HMCN2: variants seen among roughly 807,000 people sequenced by gnomAD.
The protein encoded by HMCN2 is hemicentin 2, also known as hemicentin-2.
HMCN2 carries 325 observed loss-of-function variants against 377.5 expected under a neutral mutation model. The ratio of observed to expected loss-of-function variants is 0.86; its 90% confidence interval spans 0.79 to 0.94. The LOEUF (loss-of-function observed/expected upper bound fraction) is 0.94, where lower values mean the gene tolerates loss of function less well. Ranked by LOEUF, HMCN2 falls within the 40% of genes least tolerant of loss-of-function variation. HMCN2 has a pLI of 0.00. For missense variants in HMCN2, 4,543 were observed against 4,725.3 expected (o/e 0.96, Z 1.13); for synonymous variants, 2,007 against 2,046.8 (o/e 0.98, Z 0.53).
chr9:130,425,645 T>TCCCCCCC, intron 89 of HMCN2, 42 bp from the exon 90 acceptor site: 4 of 683,084 alleles, frequency 5.9e-6, no homozygotes, highest in Non-Finnish European at 7.3e-6. Flanking sequence ...TTTCTCCCTC[T>TCCCCCCC]CCCCCACCCC....
At chr9:130,383,646 C>T in intron 57 of HMCN2, 46 bp downstream of exon 57, 1 of 907,048 alleles carries the variant, frequency 1.1e-6, no homozygotes, top group South Asian at 5.1e-5. Context: ...CTTTTCCCTT[C>T]CCAGGGGGCA....
Position 130,375,537 on chromosome 9 carries a change from A to G in HMCN2, c.7631-26A>G, listed in dbSNP as rs538843668. On this transcript the variant is annotated intron_variant, in intron 49 of 97. Coordinates refer to ENST00000683500, the MANE Select transcript of HMCN2 (RefSeq NM_001291815.2). ...CTAGGGTCAGGGATCTCTGCTCATAACTGCCTCCCTGGCCCCCCATCACAG... is the reference window on the plus strand; with the variant it reads ...CTAGGGTCAGGGATCTCTGCTCATAGCTGCCTCCCTGGCCCCCCATCACAG... The G allele has an allele frequency of 6.1e-4, 602 of 985,436 alleles. 1 individual carries two copies. Among genetic ancestry groups the G allele is most frequent in the Non-Finnish European group, 7.1e-4 (586 of 829,644 alleles). 61.0% of individuals were successfully genotyped at this position (985,436 alleles called of 1,614,324 possible).
chr9:130,412,828 C>T (rs117929661), intron 85 of HMCN2, among the ~76,000 whole-genome samples: 5 of 152,138 alleles, frequency 3.3e-5, no homozygotes, highest in African/African-American at 9.7e-5. Flanking sequence ...CCACCTGCCT[C>T]GGCCTCCTAA....
At chr9:130,317,914 G>C (rs1190498335) in intron 15 of HMCN2, among the ~76,000 whole-genome samples, 1 of 152,146 alleles carries the variant, frequency 6.6e-6, no homozygotes, top group Non-Finnish European at 1.5e-5. Flanking sequence ...TCTTGGAGTG[G>C]GAGGCTGCAG....
At chr9:130,342,033 A>AAAT (rs1467483928) in intron 24 of HMCN2, among the ~76,000 whole-genome samples, 2 of 148,558 alleles carry the variant, frequency 1.3e-5, no homozygotes, top group Non-Finnish European at 3.0e-5. Flanking sequence ...ATAAATAAAT[A>AAAT]AATAAATAAA....
intron 11 of HMCN2, 91 bp from the exon 12 acceptor site, chr9:130,306,028 CATCTGTGACT>C: frequency 2.3e-6 from 1 of 426,130 alleles, no homozygotes; most frequent in East Asian, 7.2e-5. Context: ...CTGTCTTGCC[CATCTGTGACT>C]ATGGGAGGGG....
chr9:130,332,275 G>A (rs1838467621), intron 22 of HMCN2, among the ~76,000 whole-genome samples: 1 of 152,198 alleles, frequency 6.6e-6, no homozygotes, highest in African/African-American at 2.4e-5. Flanking sequence ...AGAGCCGGAC[G>A]TTTAGATCAC....
intron 85 of HMCN2, among the ~76,000 whole-genome samples, chr9:130,418,182 A>T (rs1337172784): frequency 6.6e-6 from 1 of 152,216 alleles, no homozygotes; most frequent in Non-Finnish European, 1.5e-5. Context: ...ATCCCAATAC[A>T]GTCAGGCAAT....
At position 130,295,225 on chromosome 9, in the gene HMCN2, G is replaced by A. The variant is rs1447746175; in HGVS notation, c.784+199G>A. ...AGGAAGCAGGAGGGCCATAGCAACCGGCGATGGGAATTAAAGTAATGGCGG... is the reference window on the plus strand; with the variant it reads ...AGGAAGCAGGAGGGCCATAGCAACCAGCGATGGGAATTAAAGTAATGGCGG... On this transcript the variant is annotated intron_variant, in intron 5 of 97. Coordinates refer to ENST00000683500, the MANE Select transcript of HMCN2 (RefSeq NM_001291815.2). Among the ~76,000 whole-genome samples, 6 of 152,246 alleles carry A rather than the reference G, an allele frequency of 3.9e-5. No homozygotes were observed. The South Asian group carries it at 1.0e-3, about 26-fold the overall frequency.
Position 130,424,765 on chromosome 9 carries a change from GC to G in HMCN2, c.13382-7del. ...AGCTCTAACCCGGCCTCTATGCCCTGCCCCACCCAGGGCCTCTGATGCGGGT... is the reference window on the plus strand; with the variant it reads ...AGCTCTAACCCGGCCTCTATGCCCTGCCCACCCAGGGCCTCTGATGCGGGT... On this transcript the variant is annotated splice_polypyrimidine_tract_variant and intron_variant, in intron 87 of 97. Transcript: ENST00000683500. The G allele has an allele frequency of 6.5e-7, 1 of 1,531,092 alleles. No individual in the cohort carries two copies. Among genetic ancestry groups the G allele is most frequent in the Non-Finnish European group, 8.8e-7 (1 of 1,137,486 alleles). 94.8% of individuals were successfully genotyped at this position (1,531,092 alleles called of 1,614,324 possible).
Position 130,425,846 on chromosome 9 carries a change from C to A in HMCN2, c.13801C>A (p.Arg4601=). Residue 4601 remains arginine (R), a synonymous_variant, in exon 90 of 98, where the codon CGG becomes AGG. Coordinates refer to ENST00000683500, the MANE Select transcript of HMCN2 (RefSeq NM_001291815.2). ...GPQPQLVQHL[R]ASAISSAFDP... ...CCAGCCCCAGCTGGTGCAGCACCTG[C>A]GGGCCTCAGCTATCAGCTCGGCCTT... 1 of 1,550,434 alleles carries A rather than the reference C, an allele frequency of 6.4e-7. No individual in the cohort carries two copies.
At chr9:130,392,864 C>A (rs150623252) in intron 66 of HMCN2, among the ~76,000 whole-genome samples, 1 of 151,728 alleles carries the variant, frequency 6.6e-6, no homozygotes, top group Admixed American at 6.6e-5. Context: ...GGCCTGGTGG[C>A]GGGCGCCTGT....
chr9:130,399,382 C>A, intron 75 of HMCN2, 129 bp from the exon 76 acceptor site: 1 of 1,061,880 alleles, frequency 9.4e-7, no homozygotes, highest in Non-Finnish European at 1.2e-6. Context: ...TTCTAGAAGA[C>A]ATTTCTAGAG....
intron 52 of HMCN2, 149 bp from the exon 53 acceptor site, chr9:130,377,500 G>A (rs946274318): frequency 4.2e-6 from 1 of 238,064 alleles, no homozygotes. Flanking sequence ...TAGGCTCTAT[G>A]GATTTGGTTT....
At chr9:130,270,264 A>T (rs1172207552) in intron 1 of HMCN2, among the ~76,000 whole-genome samples, 1 of 136,520 alleles carries the variant, frequency 7.3e-6, no homozygotes, top group Non-Finnish European at 1.6e-5. Flanking sequence ...TTAGGTGCTT[A>T]TAAAGGTTTT....
intron 23 of HMCN2, 161 bp downstream of exon 23, chr9:130,338,182 C>T: frequency 6.5e-6 from 1 of 153,870 alleles, no homozygotes; most frequent in Admixed American, 6.5e-5. Context: ...CCCCCACTTC[C>T]TGTCTCTCTC....
At chr9:130,344,362 G>GGT (rs1248933462) in intron 25 of HMCN2, among the ~76,000 whole-genome samples, 27 of 151,450 alleles carry the variant, frequency 1.8e-4, no homozygotes, top group East Asian at 1.6e-3. Context: ...TGTAGTATGT[G>GGT]GTGTGTGTGT....
At position 130,428,647 on chromosome 9, in the gene HMCN2, C is replaced by T. The variant is rs149414532; in HGVS notation, c.14197+158C>T. 1.5e-3 allele frequency among the ~76,000 whole-genome samples: 226 copies of T among 152,310 alleles called. 2 individuals are homozygous for T. The highest frequency in any genetic ancestry group is 4.9e-3 in the African/African-American group (204 of 41,568). On this transcript the variant is annotated intron_variant, in intron 93 of 97. Coordinates refer to ENST00000683500, the MANE Select transcript of HMCN2 (RefSeq NM_001291815.2). This position sits in a 1 kb window ranked among gnomAD's most constrained non-coding sequence, Gnocchi z 5.0. The stretch of plus-strand genomic sequence containing the variant: ...ACAGCAAGGCTGGGGACAAAGCCTG[C>T]GCCAGGCTCTGGAGGTCTGAGCCCT...
intron 89 of HMCN2, 42 bp from the exon 90 acceptor site, chr9:130,425,645 T>TCCC: frequency 1.0e-4 from 69 of 683,046 alleles, no homozygotes; most frequent in South Asian, 3.5e-4. Context: ...TTTCTCCCTC[T>TCCC]CCCCCACCCC....
Sources: allele counts gnomAD v4.1 joint callset (sites outside exome capture counted in the v4.1 genomes callset), GRCh38; gene constraint gnomAD v4.1.1; non-coding constraint Gnocchi (gnomAD v3.1); transcripts MANE v1.5; gene names NCBI Gene and HGNC (gene_info 2026-07-23, HGNC 2026-07-21).